The following ACTR3C variants were observed in gnomAD, a reference collection of about 807,000 sequenced individuals.
ACTR3C encodes actin related protein 3C, also known as actin-related protein 3C.
In ACTR3C, 18 loss-of-function variants were observed where a neutral mutation model predicts 26.3. The observed-to-expected ratio is 0.68, with a 90% CI of 0.47 to 1.01. The LOEUF (loss-of-function observed/expected upper bound fraction) is 1.01. Ranked by LOEUF, ACTR3C falls within the 50% of genes least tolerant of loss-of-function variation. The pLI is 0.00. For synonymous variants in ACTR3C, 55 were observed against 94.5 expected (o/e 0.58, Z 2.42); for missense variants, 184 against 250.7 (o/e 0.73, Z 1.80).
the ACTR3C span, among the ~76,000 whole-genome samples, chr7:150,207,805 G>A: frequency 2.0e-5 from 3 of 152,032 alleles, no homozygotes; most frequent in Non-Finnish European, 4.4e-5. Context: ...GATATGCAGA[G>A]TATGGGTTTG....
chr7:150,010,247 T>C, the ACTR3C span, among the ~76,000 whole-genome samples: 2 of 152,254 alleles, frequency 1.3e-5, no homozygotes, highest in Non-Finnish European at 2.9e-5. Flanking sequence ...TGTCAGCCTA[T>C]ACATCCCTTT....
the ACTR3C span, among the ~76,000 whole-genome samples, chr7:150,149,466 G>T: frequency 2.6e-5 from 4 of 151,300 alleles, no homozygotes; most frequent in African/African-American, 7.3e-5. Flanking sequence ...TTTACATTAG[G>T]TATATCTCCT....
At chr7:150,055,746 C>T in the ACTR3C span, among the ~76,000 whole-genome samples, 1 of 152,236 alleles carries the variant, frequency 6.6e-6, no homozygotes, top group Admixed American at 6.5e-5. Flanking sequence ...GAGCCTTTCC[C>T]ATCTTGCCAG....
the ACTR3C span, among the ~76,000 whole-genome samples, chr7:150,016,704 G>A: frequency 3.3e-5 from 5 of 152,164 alleles, no homozygotes; most frequent in South Asian, 6.2e-4. Flanking sequence ...CACCAAGACA[G>A]GTAGATCTCT....
chr7:150,322,399 C>T (rs1797619464), intron 1 of ACTR3C, among the ~76,000 whole-genome samples: 1 of 152,326 alleles, frequency 6.6e-6, no homozygotes, highest in African/African-American at 2.4e-5. Flanking sequence ...GCCACCAAAA[C>T]CAATATGGCA....
the ACTR3C span, among the ~76,000 whole-genome samples, chr7:149,910,976 T>C: frequency 0.018 from 2,674 of 151,960 alleles, 89 homozygotes; most frequent in African/African-American, 0.06. Context: ...AAGGAGCTTC[T>C]GGAGGCAAGA....
At chr7:150,184,150 A>G in the ACTR3C span, among the ~76,000 whole-genome samples, 2 of 150,762 alleles carry the variant, frequency 1.3e-5, no homozygotes, top group Non-Finnish European at 2.9e-5. Context: ...GGACATGTCT[A>G]ATATGCTCTG....
chr7:150,016,653 A>G, the ACTR3C span, among the ~76,000 whole-genome samples: 1 of 152,128 alleles, frequency 6.6e-6, no homozygotes, highest in Admixed American at 6.5e-5. Flanking sequence ...CTTGTGTTCC[A>G]TGAAAGGTGA....
the ACTR3C span, among the ~76,000 whole-genome samples, chr7:149,976,301 G>A: frequency 0.06 from 9,103 of 152,186 alleles, 756 homozygotes; most frequent in African/African-American, 0.19. Context: ...ATGGCCGGGC[G>A]CGGTGGCTCA....
In ACTR3C at chr7:150,261,202, G is replaced by A. The variant is rs966317367; in HGVS notation, c.565-12148C>T. ...AATACTGAAAGTCATAATTTCTGCT[G>A]GTGAGACCGTCACAGGTATTGCTAA... On this transcript the variant is annotated intron_variant, in intron 6 of 7. Transcript: ENST00000683684. 7.2e-4 allele frequency among the ~76,000 whole-genome samples: 110 copies of A among 152,160 alleles called. 1 individual carries two copies. Among genetic ancestry groups the A allele is most frequent in the Non-Finnish European group, 2.1e-4 (14 of 68,026 alleles).
At chr7:149,938,855 G>A in the ACTR3C span, among the ~76,000 whole-genome samples, 744 of 149,774 alleles carry the variant, frequency 5.0e-3, 4 homozygotes, top group African/African-American at 0.017. Flanking sequence ...AAAGTAATAC[G>A]GAAGAGTTAA....
At chr7:149,984,049 C>A in the ACTR3C span, among the ~76,000 whole-genome samples, 1 of 152,088 alleles carries the variant, frequency 6.6e-6, no homozygotes, top group African/African-American at 2.4e-5. Context: ...TCCTACTGTG[C>A]TTTCAGTTAA....
the ACTR3C span, among the ~76,000 whole-genome samples, chr7:149,994,424 C>T: frequency 6.6e-6 from 1 of 152,042 alleles, no homozygotes; most frequent in Non-Finnish European, 1.5e-5. Flanking sequence ...ATGGTGAAAC[C>T]CCATCTCTAC....
intron 6 of ACTR3C, among the ~76,000 whole-genome samples, chr7:150,267,188 G>A (rs934866301): frequency 2.6e-5 from 4 of 152,216 alleles, no homozygotes; most frequent in African/African-American, 9.7e-5. Context: ...AAAGCACCGA[G>A]TGAAGGAAGC....
chr7:150,155,173 C>T, the ACTR3C span, among the ~76,000 whole-genome samples: 19 of 152,166 alleles, frequency 1.2e-4, no homozygotes, highest in East Asian at 3.5e-3. Context: ...CACGGAGATC[C>T]GGTGGAAAAT....
chr7:149,944,187 C>A, the ACTR3C span, among the ~76,000 whole-genome samples: 1 of 151,780 alleles, frequency 6.6e-6, no homozygotes, highest in African/African-American at 2.4e-5. Flanking sequence ...AGGTCCCATG[C>A]TCCTGGGTTT....
intron 1 of ACTR3C, among the ~76,000 whole-genome samples, chr7:150,304,335 G>C (rs1795648413): frequency 1.3e-5 from 2 of 152,010 alleles, no homozygotes; most frequent in South Asian, 4.2e-4. Context: ...TATTTCACCA[G>C]GTTCATGAGG....
At chr7:150,273,732 T>G (rs1023767945) in intron 6 of ACTR3C, among the ~76,000 whole-genome samples, 2 of 151,146 alleles carry the variant, frequency 1.3e-5, no homozygotes, top group African/African-American at 4.9e-5. Context: ...CAAAGGCCCC[T>G]CAGGTCTCAC....
At chr7:149,946,792 A>C in the ACTR3C span, among the ~76,000 whole-genome samples, 5 of 152,240 alleles carry the variant, frequency 3.3e-5, no homozygotes, top group Admixed American at 2.6e-4. Flanking sequence ...GTGACATCAT[A>C]ATAAGGCATC....
Sources: gnomAD v4.1 joint callset for allele counts (sites outside exome capture counted in the v4.1 genomes callset) on GRCh38, gnomAD v4.1.1 for gene constraint, MANE v1.5 for transcripts, NCBI Gene and HGNC (gene_info 2026-07-23, HGNC 2026-07-21) for gene names.